PLSCR2: variants seen among roughly 807,000 people sequenced by gnomAD.
The protein encoded by PLSCR2 is PL scramblase 2.
Under a neutral mutation model 25.3 loss-of-function variants are expected in PLSCR2, and 18 were observed. The observed-to-expected ratio is 0.71, with a 90% CI of 0.49 to 1.06. The LOEUF (loss-of-function observed/expected upper bound fraction) is 1.06, where lower values mean the gene tolerates loss of function less well. Among genes scored for constraint, PLSCR2 ranks in the 50% least tolerant of loss-of-function variants. The pLI, the probability that PLSCR2 is intolerant of heterozygous loss-of-function variation, is 0.00. For missense variants in PLSCR2, 243 were observed against 269.5 expected (o/e 0.90, Z 0.69); for synonymous variants, 88 against 87.3 (o/e 1.01, Z -0.04).
chr3:146,470,741 G>T (rs2042085689), intron 1 of PLSCR2, among the ~76,000 whole-genome samples: 1 of 152,148 alleles, frequency 6.6e-6, no homozygotes, highest in African/African-American at 2.4e-5. Context: ...GGAAGGTGGA[G>T]AAAGAAATTG....
chr3:146,432,831 T>C (rs1045406987), downstream of PLSCR2, among the ~76,000 whole-genome samples: 6 of 152,230 alleles, frequency 3.9e-5, no homozygotes, highest in Non-Finnish European at 7.3e-5. Context: ...ATAATGTTTT[T>C]TGAAAAATAA....
chr3:146,420,582 A>T (rs2039114971), intron 2 of PLSCR2, among the ~76,000 whole-genome samples: 1 of 152,088 alleles, frequency 6.6e-6, no homozygotes, highest in Admixed American at 6.6e-5. Context: ...GTTTTCTCAA[A>T]GAATCTCAAC....
intron 3 of PLSCR2, among the ~76,000 whole-genome samples, chr3:146,457,112 G>A (rs965133472): frequency 1.3e-5 from 2 of 151,838 alleles, no homozygotes; most frequent in African/African-American, 2.4e-5. Flanking sequence ...ATCTAATCAC[G>A]TACTTTAAAA....
intron 1 of PLSCR2, among the ~76,000 whole-genome samples, chr3:146,484,631 A>T (rs1246698135): frequency 6.6e-6 from 1 of 152,166 alleles, no homozygotes; most frequent in Non-Finnish European, 1.5e-5. Context: ...GTGGTGGCTG[A>T]TATTCAACAT....
intron 5 of PLSCR2, among the ~76,000 whole-genome samples, chr3:146,453,062 T>A (rs2040994163): frequency 6.6e-6 from 1 of 152,034 alleles, no homozygotes; most frequent in South Asian, 2.1e-4. Context: ...ATCTCTGTCA[T>A]CAGATTATAA....
intron 6 of PLSCR2, among the ~76,000 whole-genome samples, chr3:146,448,162 A>C (rs536140994): frequency 7.9e-5 from 12 of 151,990 alleles, no homozygotes; most frequent in Non-Finnish European, 1.5e-4. Flanking sequence ...CATTTGACTG[A>C]TTTTCAGTTC....
chr3:146,415,174 G>C (rs1330477730), intron 2 of PLSCR2: 1 of 152,516 alleles, frequency 6.6e-6, no homozygotes, highest in Non-Finnish European at 1.5e-5. Context: ...TTATCTATTA[G>C]AGTAAAAATA....
chr3:146,476,423 T>A (rs2042287723), intron 1 of PLSCR2, among the ~76,000 whole-genome samples: 1 of 152,214 alleles, frequency 6.6e-6, no homozygotes, highest in African/African-American at 2.4e-5. Context: ...GAGCCCATGC[T>A]ACCAGGGCCT....
chr3:146,494,270 C>T (rs2044368808), intron 1 of PLSCR2, among the ~76,000 whole-genome samples: 1 of 151,996 alleles, frequency 6.6e-6, no homozygotes, highest in South Asian at 2.1e-4. Context: ...GAAATTAAAA[C>T]AAATAAGAAC....
intron 1 of PLSCR2, among the ~76,000 whole-genome samples, chr3:146,475,006 C>T (rs955850997): frequency 1.6e-4 from 24 of 151,870 alleles, no homozygotes; most frequent in Non-Finnish European, 3.4e-4. Context: ...TTTTGTTCCT[C>T]CCTAAACTGG....
chr3:146,406,424 G>C lies in PLSCR2; in HGVS notation c.101-10503C>G, dbSNP rs537913308. 7.2e-5 allele frequency among the ~76,000 whole-genome samples: 11 copies of C among 152,198 alleles called. 1 individual carries two copies. The South Asian group carries it at 2.1e-3, about 29-fold the overall frequency. Reference sequence around the variant, plus strand: ...GATTGTGTTGTTCTTTGTGGGTACGGGCTGGCTCTGGGAACAGTACACATA... The same window carrying C: ...GATTGTGTTGTTCTTTGTGGGTACGCGCTGGCTCTGGGAACAGTACACATA... On this transcript the variant is annotated intron_variant and NMD_transcript_variant, in intron 2 of 3. Transcript: ENST00000463633.
chr3:146,450,531 A>G (rs186221657), intron 5 of PLSCR2, among the ~76,000 whole-genome samples: 2 of 152,332 alleles, frequency 1.3e-5, no homozygotes, highest in East Asian at 1.9e-4. Flanking sequence ...TGTTTGACCA[A>G]TGGAATATTA....
chr3:146,391,497 G>T (rs2038083291), exon 4 of PLSCR2: 1 of 152,534 alleles, frequency 6.6e-6, no homozygotes, highest in Non-Finnish European at 1.5e-5. Flanking sequence ...AAAAATAAAT[G>T]CCAGTAATCT....
intron 2 of PLSCR2, among the ~76,000 whole-genome samples, chr3:146,415,631 T>G (rs1473501462): frequency 6.6e-6 from 1 of 152,130 alleles, no homozygotes; most frequent in Non-Finnish European, 1.5e-5. Flanking sequence ...AAGTTACATA[T>G]ATACTATTTT....
At chr3:146,411,735 T>A (rs940489684) in intron 2 of PLSCR2, among the ~76,000 whole-genome samples, 4 of 152,252 alleles carry the variant, frequency 2.6e-5, no homozygotes, top group Non-Finnish European at 5.9e-5. Context: ...GATTTTCTTT[T>A]ATACTTTGGT....
intron 2 of PLSCR2, among the ~76,000 whole-genome samples, chr3:146,412,012 G>C (rs2038869555): frequency 6.7e-6 from 1 of 150,338 alleles, no homozygotes; most frequent in Non-Finnish European, 1.5e-5. Flanking sequence ...CCTTGAGGAA[G>C]GGGCTGCCAG....
intron 2 of PLSCR2, among the ~76,000 whole-genome samples, chr3:146,427,410 A>G (rs2108105441): frequency 6.6e-6 from 1 of 152,288 alleles, no homozygotes; most frequent in East Asian, 1.9e-4. Flanking sequence ...GAATGGTTGG[A>G]AAGTCTAGGA....
chr3:146,427,248 T>C (rs1424746329), intron 2 of PLSCR2, among the ~76,000 whole-genome samples: 1 of 152,164 alleles, frequency 6.6e-6, no homozygotes, highest in East Asian at 1.9e-4. Context: ...AGAACTTCTC[T>C]AACTGTAGAA....
At chr3:146,437,479 C>A (rs1177881982), downstream of PLSCR2, among the ~76,000 whole-genome samples, 1 of 152,164 alleles carries the variant, frequency 6.6e-6, no homozygotes, top group Non-Finnish European at 1.5e-5. Flanking sequence ...AGGGATTCAA[C>A]TTCTTCCTGG....
Sources: gnomAD v4.1 joint callset for allele counts (sites outside exome capture counted in the v4.1 genomes callset) on GRCh38, gnomAD v4.1.1 for gene constraint, MANE v1.5 for transcripts, NCBI Gene and HGNC (gene_info 2026-07-23, HGNC 2026-07-21) for gene names.